HFM1: variants seen among roughly 807,000 people sequenced by gnomAD.
HFM1 encodes probable ATP-dependent DNA helicase HFM1.
HFM1 carries 169 observed loss-of-function variants against 192.1 expected under a neutral mutation model. That is an observed-to-expected ratio of 0.88 (90% CI 0.78 to 1.00). The LOEUF is 1.00. Ranked by LOEUF, HFM1 falls within the 50% of genes least tolerant of loss-of-function variation. The pLI is 0.00. For missense variants in HFM1, 1,661 were observed against 1,668.0 expected, an observed-to-expected ratio of 1.00 and a Z score of 0.07; for synonymous variants, 525 against 537.8, an observed-to-expected ratio of 0.98 and a Z score of 0.33.
chr1:91,309,704 G>A (rs1570901836), intron 30 of HFM1, among the ~76,000 whole-genome samples: 1 of 152,124 alleles, frequency 6.6e-6, no homozygotes, highest in African/African-American at 2.4e-5. Context: ...TTGAGCCATT[G>A]AGAACCAAGT....
intron 30 of HFM1, among the ~76,000 whole-genome samples, chr1:91,299,166 C>A (rs1041944595): frequency 6.6e-6 from 1 of 152,048 alleles, no homozygotes; most frequent in African/African-American, 2.4e-5. Flanking sequence ...AGACTTTAAA[C>A]CAACAAAGAT....
chr1:91,319,536 T>C (rs1388767688), intron 23 of HFM1, 146 bp from the exon 24 acceptor site: 4 of 545,534 alleles, frequency 7.3e-6, no homozygotes, highest in Non-Finnish European at 1.3e-5. Flanking sequence ...ATAATTATTA[T>C]TGCAGGTCAA....
chr1:91,383,456 A>T (rs1396337683), intron 6 of HFM1, among the ~76,000 whole-genome samples: 3 of 152,158 alleles, frequency 2.0e-5, no homozygotes, highest in Non-Finnish European at 2.9e-5. Context: ...TACTATATCA[A>T]CATGTATAAC....
chr1:91,376,465 T>C (rs1056050564), intron 11 of HFM1, among the ~76,000 whole-genome samples: 5 of 151,786 alleles, frequency 3.3e-5, no homozygotes, highest in South Asian at 4.2e-4. Flanking sequence ...AGGAAGAAGA[T>C]CTGACAAAAG....
intron 30 of HFM1, among the ~76,000 whole-genome samples, chr1:91,297,353 C>T (rs542186191): frequency 6.6e-6 from 1 of 152,348 alleles, no homozygotes; most frequent in East Asian, 1.9e-4. Context: ...TCTGCAGACT[C>T]CACCTCTACG....
intron 1 of HFM1, among the ~76,000 whole-genome samples, chr1:91,402,898 G>A (rs1034976993): frequency 1.3e-5 from 2 of 152,002 alleles, no homozygotes; most frequent in East Asian, 3.9e-4. Context: ...AAACATTTGG[G>A]AAGAAAAGCG....
chr1:91,294,900 G>A (rs1336837312), intron 30 of HFM1, among the ~76,000 whole-genome samples: 2 of 152,098 alleles, frequency 1.3e-5, no homozygotes, highest in Non-Finnish European at 2.9e-5. Context: ...TATGCAAGGG[G>A]AATTACTCTA....
chr1:91,402,097 T>TA (rs1489203134), intron 1 of HFM1, among the ~76,000 whole-genome samples: 2 of 152,188 alleles, frequency 1.3e-5, no homozygotes, highest in African/African-American at 4.8e-5. Flanking sequence ...TTTTAGTTAA[T>TA]ACATTGTAAA....
chr1:91,404,444 G>C (rs1571262914), intron 1 of HFM1: 1 of 162,542 alleles, frequency 6.2e-6, no homozygotes, highest in African/African-American at 2.4e-5. Flanking sequence ...CTCGCTCAGG[G>C]GGCGCCACAC....
At chr1:91,375,821 T>C in intron 11 of HFM1, 94 bp from the exon 12 acceptor site, 2 of 904,988 alleles carry the variant, frequency 2.2e-6, no homozygotes, top group Non-Finnish European at 3.5e-6. Flanking sequence ...AAGGTCAAGC[T>C]ATAAAAGTAT....
chr1:91,334,959 A>G (rs184880859), intron 20 of HFM1, among the ~76,000 whole-genome samples: 2 of 152,054 alleles, frequency 1.3e-5, no homozygotes, highest in African/African-American at 2.4e-5. Flanking sequence ...ACTGGATTCG[A>G]TAAGTTGTCT....
At chr1:91,281,599 A>G (rs1667465898) in intron 30 of HFM1, among the ~76,000 whole-genome samples, 1 of 152,232 alleles carries the variant, frequency 6.6e-6, no homozygotes, top group Non-Finnish European at 1.5e-5. Flanking sequence ...CTAAGAAAGG[A>G]TGTATAAGAA....
At chr1:91,371,891 G>GA (rs1175132831) in intron 13 of HFM1, among the ~76,000 whole-genome samples, 1 of 151,900 alleles carries the variant, frequency 6.6e-6, no homozygotes, top group South Asian at 2.1e-4. Flanking sequence ...AAATTTACAA[G>GA]AAAAAAACAA....
chr1:91,396,541 C>T, intron 2 of HFM1, 136 bp from the exon 3 acceptor site: 1 of 531,762 alleles, frequency 1.9e-6, no homozygotes, highest in East Asian at 3.0e-5. Flanking sequence ...TTGATTTATC[C>T]CTATACAGCA....
chr1:91,329,171 C>A, intron 20 of HFM1: 2 of 1,610,024 alleles, frequency 1.2e-6, no homozygotes, highest in Non-Finnish European at 1.7e-6. Context: ...GACTTGACCC[C>A]AACAAGTACC....
intron 15 of HFM1, 61 bp downstream of exon 15, chr1:91,352,990 C>T (rs1309225034): frequency 5.5e-6 from 6 of 1,081,996 alleles, no homozygotes; most frequent in Admixed American, 4.5e-5. Flanking sequence ...TTCCTTTTTT[C>T]CTCTTAAAAA....
intron 36 of HFM1, 83 bp downstream of exon 36, chr1:91,265,934 C>A: frequency 6.5e-7 from 1 of 1,542,436 alleles, no homozygotes; most frequent in Admixed American, 2.4e-5. Flanking sequence ...TCTGTGACAT[C>A]TAATAACTTG....
chr1:91,317,714 T>C (rs1032737391), intron 25 of HFM1, among the ~76,000 whole-genome samples: 1 of 152,224 alleles, frequency 6.6e-6, no homozygotes, highest in African/African-American at 2.4e-5. Flanking sequence ...CTAGTATTCA[T>C]AATTCCTTAA....
At chr1:91,294,554 T>A (rs926434664) in intron 30 of HFM1, among the ~76,000 whole-genome samples, 1 of 152,220 alleles carries the variant, frequency 6.6e-6, no homozygotes, top group African/African-American at 2.4e-5. Context: ...AATACACCCA[T>A]GTCTATTCAT....
Sources: allele counts gnomAD v4.1 joint callset (sites outside exome capture counted in the v4.1 genomes callset), GRCh38; gene constraint gnomAD v4.1.1; transcripts MANE v1.5; gene names NCBI Gene and HGNC (gene_info 2026-07-23, HGNC 2026-07-21).